The following MGAT4C variants were observed in gnomAD, a reference collection of about 807,000 sequenced individuals.
MGAT4C encodes the protein MGAT4 family member C, also known as alpha-1,3-mannosyl-glycoprotein 4-beta-N-acetylglucosaminyltransferase C.
MGAT4C carries 19 observed loss-of-function variants against 40.1 expected under a neutral mutation model. That is an observed-to-expected ratio of 0.47 (90% CI 0.33 to 0.70). The LOEUF (loss-of-function observed/expected upper bound fraction) is 0.70, where lower values mean the gene tolerates loss of function less well. Ranked by LOEUF, MGAT4C falls within the 30% of genes least tolerant of loss-of-function variation. The pLI is 0.02. For missense variants in MGAT4C, 491 were observed against 563.2 expected (o/e 0.87, Z 1.30); for synonymous variants, 181 against 187.1 (o/e 0.97, Z 0.27).
intron 2 of MGAT4C, among the ~76,000 whole-genome samples, chr12:86,548,846 A>G (rs1005195586): frequency 2.6e-5 from 4 of 152,354 alleles, no homozygotes; most frequent in South Asian, 4.1e-4. Context: ...ATAGAATGCT[A>G]TAATCAATGT....
intron 1 of MGAT4C, among the ~76,000 whole-genome samples, chr12:86,081,659 T>G (rs7965726): frequency 0.8 from 121,573 of 152,020 alleles, 49,310 homozygotes; most frequent in East Asian, 0.97. Context: ...GTGACAATTT[T>G]CCCTGTTGCT....
chr12:86,693,629 C>T (rs542488857), intron 2 of MGAT4C, among the ~76,000 whole-genome samples: 1 of 151,846 alleles, frequency 6.6e-6, no homozygotes, highest in Non-Finnish European at 1.5e-5. Flanking sequence ...AATTAGATGA[C>T]AGTTGTAATT....
chr12:86,635,664 T>G (rs1963197340), intron 2 of MGAT4C, among the ~76,000 whole-genome samples: 1 of 151,328 alleles, frequency 6.6e-6, no homozygotes, highest in Non-Finnish European at 1.5e-5. Flanking sequence ...ACATTGTGTG[T>G]GTGTGTGTGT....
At position 86,660,143 on chromosome 12, in the gene MGAT4C, G is replaced by A. The variant is rs537788418; in HGVS notation, c.-229+67066C>T. On this transcript the variant is annotated intron_variant, in intron 2 of 7. Transcript: ENST00000548651. ...GCAGTAAGTTGATAACTGACATACCGGACAAGAGACCTTGATGATCATTCC... is the reference window on the plus strand; with the variant it reads ...GCAGTAAGTTGATAACTGACATACCAGACAAGAGACCTTGATGATCATTCC... Among the ~76,000 whole-genome samples, 5 of 152,052 alleles carry A rather than the reference G, an allele frequency of 3.3e-5. No homozygotes were observed. The East Asian group carries it at 7.7e-4, about 23-fold the overall frequency.
chr12:86,084,723 TA>T (rs796363193), intron 1 of MGAT4C, among the ~76,000 whole-genome samples: 1,584 of 142,290 alleles, frequency 0.011, 24 homozygotes, highest in African/African-American at 0.037. Flanking sequence ...ATTTTCTTAT[TA>T]AAAAAAAAAA....
At chr12:86,270,352 A>C (rs1256994036) in intron 4 of MGAT4C, among the ~76,000 whole-genome samples, 1 of 152,140 alleles carries the variant, frequency 6.6e-6, no homozygotes, top group Non-Finnish European at 1.5e-5. Flanking sequence ...AAGTGCTGGG[A>C]TTACAGGTGT....
chr12:86,597,976 C>T (rs1446731461), intron 2 of MGAT4C, among the ~76,000 whole-genome samples: 1 of 152,004 alleles, frequency 6.6e-6, no homozygotes, highest in Non-Finnish European at 1.5e-5. Flanking sequence ...TCACCTAGAG[C>T]AACTTCAGGT....
At chr12:86,755,920 T>C (rs1951297427) in intron 1 of MGAT4C, among the ~76,000 whole-genome samples, 1 of 152,064 alleles carries the variant, frequency 6.6e-6, no homozygotes, top group African/African-American at 2.4e-5. Flanking sequence ...AATGTTGGAG[T>C]TACAGATGTG....
intron 1 of MGAT4C, among the ~76,000 whole-genome samples, chr12:86,102,285 C>G (rs1875254567): frequency 6.6e-6 from 1 of 151,766 alleles, no homozygotes; most frequent in African/African-American, 2.4e-5. Flanking sequence ...AATTAAAGAG[C>G]CAAAGGTTTC....
intron 3 of MGAT4C, among the ~76,000 whole-genome samples, chr12:86,375,326 T>C (rs1955804002): frequency 6.6e-6 from 1 of 152,186 alleles, no homozygotes; most frequent in Non-Finnish European, 1.5e-5. Context: ...CAAAAAATTC[T>C]CTGTTGTGTT....
At chr12:86,726,417 G>A (rs543878225) in intron 2 of MGAT4C, among the ~76,000 whole-genome samples, 3 of 152,198 alleles carry the variant, frequency 2.0e-5, no homozygotes, top group South Asian at 4.2e-4. Flanking sequence ...TTGACAATAC[G>A]ATATTACCTA....
chr12:86,423,164 CTTAG>C (rs1400853708), intron 3 of MGAT4C, among the ~76,000 whole-genome samples: 1 of 151,962 alleles, frequency 6.6e-6, no homozygotes, highest in Non-Finnish European at 1.5e-5. Context: ...TATTATATTA[CTTAG>C]TTAATGAATG....
intron 1 of MGAT4C, among the ~76,000 whole-genome samples, chr12:86,086,682 C>G (rs1871911721): frequency 6.6e-6 from 1 of 151,924 alleles, no homozygotes; most frequent in South Asian, 2.1e-4. Context: ...TAGGAACATT[C>G]CAATTCCACT....
intron 2 of MGAT4C, among the ~76,000 whole-genome samples, chr12:86,573,775 T>C (rs530790297): frequency 3.3e-5 from 5 of 152,016 alleles, no homozygotes; most frequent in African/African-American, 4.8e-5. Flanking sequence ...ATTTATTATA[T>C]AACTTTCTAA....
chr12:86,637,614 G>A (rs150093278), intron 2 of MGAT4C, among the ~76,000 whole-genome samples: 77 of 151,804 alleles, frequency 5.1e-4, no homozygotes, highest in Admixed American at 3.4e-3. Context: ...CCACTACTTC[G>A]TTTCAAATAT....
intron 1 of MGAT4C, among the ~76,000 whole-genome samples, chr12:86,114,514 A>AT (rs923866924): frequency 1.1e-4 from 16 of 151,132 alleles, no homozygotes; most frequent in East Asian, 3.9e-4. Flanking sequence ...GGCTCTCTTG[A>AT]TTTTTTTTTC....
chr12:86,560,686 T>C (rs1041001423), intron 2 of MGAT4C, among the ~76,000 whole-genome samples: 1 of 152,092 alleles, frequency 6.6e-6, no homozygotes, highest in Non-Finnish European at 1.5e-5. Flanking sequence ...AATATTATAC[T>C]GAACTGGGAA....
At position 86,434,435 on chromosome 12, in the gene MGAT4C, T is replaced by C. The variant is rs114777309; in HGVS notation, c.-120+722A>G. On this transcript the variant is annotated intron_variant, in intron 3 of 7. Coordinates refer to the MGAT4C transcript ENST00000548651. Reference sequence around the variant, plus strand: ...ACTTACACATATGTACTTATATACATGTGTATATGTATACACATGTATATG... The same window carrying C: ...ACTTACACATATGTACTTATATACACGTGTATATGTATACACATGTATATG... Among the ~76,000 whole-genome samples the C allele has an allele frequency of 6.5e-3, 983 of 152,070 alleles. 9 individuals carry two copies. Among genetic ancestry groups the C allele is most frequent in the African/African-American group, 0.023 (940 of 41,552 alleles).
chr12:86,289,281 C>T (rs887405471), intron 4 of MGAT4C, among the ~76,000 whole-genome samples: 3 of 152,128 alleles, frequency 2.0e-5, no homozygotes, highest in African/African-American at 7.2e-5. Context: ...TGTTTTTGTA[C>T]CAATACCAAG....
Sources: allele counts gnomAD v4.1 joint callset (sites outside exome capture counted in the v4.1 genomes callset), GRCh38; gene constraint gnomAD v4.1.1; transcripts MANE v1.5; gene names NCBI Gene and HGNC (gene_info 2026-07-23, HGNC 2026-07-21).